BTBD9: variants seen among roughly 807,000 people sequenced by gnomAD.
BTBD9 encodes BTB domain containing 9, also known as BTB/POZ domain-containing protein 9.
In BTBD9, 49 loss-of-function variants were observed where a neutral mutation model predicts 64.3. The observed-to-expected ratio is 0.76, with a 90% CI of 0.61 to 0.97. The LOEUF is 0.97. Among genes scored for constraint, BTBD9 ranks in the 50% least tolerant of loss-of-function variants. The probability of loss-of-function intolerance (pLI) is 0.00; values close to 1 mark genes in which losing one functional copy is unlikely to be tolerated. For missense variants in BTBD9, 598 were observed against 762.1 expected (o/e 0.78, Z 2.53); for synonymous variants, 260 against 274.7 (o/e 0.95, Z 0.53).
At chr6:38,435,301 G>A (rs1768663966) in intron 6 of BTBD9, among the ~76,000 whole-genome samples, 1 of 151,452 alleles carries the variant, frequency 6.6e-6, no homozygotes. Context: ...TATGGCGCAA[G>A]ACCAGACTGG....
chr6:38,537,336 A>G (rs1774067687), intron 6 of BTBD9, among the ~76,000 whole-genome samples: 1 of 152,234 alleles, frequency 6.6e-6, no homozygotes. Context: ...GTGCTTAGAT[A>G]TACTCTACCA....
intron 1 of BTBD9, among the ~76,000 whole-genome samples, chr6:38,599,030 C>G (rs761348009): frequency 2.6e-5 from 4 of 152,110 alleles, no homozygotes; most frequent in Non-Finnish European, 5.9e-5. Flanking sequence ...AAGAGTAATT[C>G]CAACAGTTTT....
Position 38,313,421 on chromosome 6 carries a change from G to A in BTBD9, c.1265-24960C>T, listed in dbSNP as rs534030409. 2.0e-5 allele frequency among the ~76,000 whole-genome samples: 3 copies of A among 152,218 alleles called. No individual in the cohort carries two copies. In the South Asian group the frequency reaches 6.2e-4, roughly 32 times the overall value. Reference sequence around the variant, plus strand: ...TAGGACTTCCACTACTATGTTGAAAGTCCTAAGTGGTGAAAGTGGACATCC... The same window carrying A: ...TAGGACTTCCACTACTATGTTGAAAATCCTAAGTGGTGAAAGTGGACATCC... On this transcript the variant is annotated intron_variant, in intron 7 of 10. Coordinates refer to ENST00000481247, the MANE Select transcript of BTBD9 (RefSeq NM_001099272.2).
At chr6:38,298,446 C>T (rs938786604) in intron 7 of BTBD9, among the ~76,000 whole-genome samples, 10 of 152,194 alleles carry the variant, frequency 6.6e-5, no homozygotes, top group African/African-American at 2.2e-4. Flanking sequence ...ATAGAATGTA[C>T]AATGATCAAG....
intron 9 of BTBD9, among the ~76,000 whole-genome samples, chr6:38,227,572 C>T (rs1763441917): frequency 6.6e-6 from 1 of 152,162 alleles, no homozygotes; most frequent in African/African-American, 2.4e-5. Flanking sequence ...GGCTGGCTGG[C>T]CACAGTGGCA....
At chr6:38,510,864 A>G (rs1772742228) in intron 6 of BTBD9, among the ~76,000 whole-genome samples, 1 of 152,208 alleles carries the variant, frequency 6.6e-6, no homozygotes, top group Non-Finnish European at 1.5e-5. Context: ...GTCATCTCCT[A>G]TGATAACAAT....
At chr6:38,443,654 C>T (rs1383810822) in intron 6 of BTBD9, among the ~76,000 whole-genome samples, 4 of 152,212 alleles carry the variant, frequency 2.6e-5, no homozygotes, top group African/African-American at 2.4e-5. Flanking sequence ...CTCTTTCTCT[C>T]GCTCACTCAT....
chr6:38,580,478 A>C, intron 4 of BTBD9, 41 bp from the exon 5 acceptor site: 1 of 1,508,506 alleles, frequency 6.6e-7, no homozygotes. Context: ...ATGATTACTT[A>C]TTTATTCTGT....
chr6:38,213,368 A>C (rs1457182838), intron 9 of BTBD9, among the ~76,000 whole-genome samples: 1 of 152,192 alleles, frequency 6.6e-6, no homozygotes, highest in Non-Finnish European at 1.5e-5. Flanking sequence ...GAGAGCTTAA[A>C]AAAATCTCTG....
intron 6 of BTBD9, among the ~76,000 whole-genome samples, chr6:38,372,154 T>C (rs1046950889): frequency 2.0e-5 from 3 of 152,172 alleles, no homozygotes; most frequent in African/African-American, 7.2e-5. Context: ...GAAACCAATG[T>C]CTTTGGGCCT....
chr6:38,429,779 C>T (rs925025743), intron 6 of BTBD9, among the ~76,000 whole-genome samples: 4 of 151,932 alleles, frequency 2.6e-5, no homozygotes, highest in Non-Finnish European at 5.9e-5. Context: ...AGAATGACTG[C>T]CAGGGACAAA....
rs564321238 is a variant in BTBD9, at chr6:38,348,487, C to A, written c.1155-3394G>T. Reference sequence around the variant, plus strand: ...TTGTTCTTGCTGAGGTCCTCAACAGCAGCTCAGACAGTTGGAAGATAATTA... The same window carrying A: ...TTGTTCTTGCTGAGGTCCTCAACAGAAGCTCAGACAGTTGGAAGATAATTA... On this transcript the variant is annotated intron_variant, in intron 6 of 10. Coordinates refer to ENST00000481247, the MANE Select transcript of BTBD9 (RefSeq NM_001099272.2). 7.2e-5 allele frequency among the ~76,000 whole-genome samples: 11 copies of A among 152,284 alleles called. No homozygotes were observed. The South Asian group carries it at 2.3e-3, about 32-fold the overall frequency.
intron 10 of BTBD9, among the ~76,000 whole-genome samples, chr6:38,183,401 A>T (rs1484087625): frequency 1.3e-5 from 2 of 152,194 alleles, no homozygotes; most frequent in Non-Finnish European, 2.9e-5. Flanking sequence ...GTGTCCTGAG[A>T]GGCAGGGAGG....
At chr6:38,527,559 G>A (rs1773565892) in intron 6 of BTBD9, among the ~76,000 whole-genome samples, 1 of 152,070 alleles carries the variant, frequency 6.6e-6, no homozygotes. Flanking sequence ...TCTTGTGAAG[G>A]TGCCTGCTTC....
intron 8 of BTBD9, among the ~76,000 whole-genome samples, chr6:38,271,590 G>A (rs779568111): frequency 7.2e-5 from 11 of 151,854 alleles, no homozygotes; most frequent in Non-Finnish European, 1.6e-4. Flanking sequence ...CCCTCAGCAG[G>A]GTCGAATAGT....
rs536085260 is a variant in BTBD9, at chr6:38,438,399, T to C, written c.1155-93306A>G. Among the ~76,000 whole-genome samples the C allele has an allele frequency of 9.2e-5, 14 of 152,252 alleles. No homozygotes were observed. The South Asian group carries it at 2.3e-3, about 25-fold the overall frequency. On this transcript the variant is annotated intron_variant, in intron 6 of 10. Transcript: ENST00000481247. ...GAGAAATGGTACAAGGTGCAGAGTA[T>C]AGCTGATAGTTTTTCAGAACTAAGA...
intron 9 of BTBD9, among the ~76,000 whole-genome samples, chr6:38,200,160 C>T (rs1762409786): frequency 6.6e-6 from 1 of 152,208 alleles, no homozygotes; most frequent in Non-Finnish European, 1.5e-5. Flanking sequence ...ACGGGCATTT[C>T]CCACCTGCAG....
intron 6 of BTBD9, among the ~76,000 whole-genome samples, chr6:38,395,615 A>G (rs1474574423): frequency 2.0e-5 from 3 of 152,180 alleles, no homozygotes; most frequent in Non-Finnish European, 4.4e-5. Flanking sequence ...TTTGTTAGTA[A>G]CATAAGACAG....
chr6:38,194,084 A>T (rs9470824), intron 9 of BTBD9, among the ~76,000 whole-genome samples: 76,099 of 130,454 alleles, frequency 0.58, 18,770 homozygotes, highest in Non-Finnish European at 0.63. Flanking sequence ...TCGGTGGGCG[A>T]CTGCTGTCCT....
Sources: gnomAD v4.1 joint callset for allele counts (sites outside exome capture counted in the v4.1 genomes callset) on GRCh38, gnomAD v4.1.1 for gene constraint, MANE v1.5 for transcripts, NCBI Gene and HGNC (gene_info 2026-07-23, HGNC 2026-07-21) for gene names.